NEK9: variants seen among roughly 807,000 people sequenced by gnomAD.
NEK9 encodes the protein serine/threonine-protein kinase Nek9.
In NEK9, 75 loss-of-function variants were observed where a neutral mutation model predicts 123.4. That is an observed-to-expected ratio of 0.61 (90% CI 0.50 to 0.74). The LOEUF (loss-of-function observed/expected upper bound fraction) is 0.74. NEK9 is among the 30% of genes least tolerant of loss of function. The pLI, the probability that NEK9 is intolerant of heterozygous loss-of-function variation, is 0.00. For missense variants in NEK9, 952 were observed against 1,214.4 expected (o/e 0.78, Z 3.21); for synonymous variants, 438 against 458.7 (o/e 0.95, Z 0.58).
At chr14:75,115,239 C>T (rs756671379) in intron 6 of NEK9, among the ~76,000 whole-genome samples, 1 of 152,114 alleles carries the variant, frequency 6.6e-6, no homozygotes, top group Non-Finnish European at 1.5e-5. Context: ...CCTCAGCCTC[C>T]TGAGTAGCTG....
intron 10 of NEK9, among the ~76,000 whole-genome samples, chr14:75,108,603 G>C (rs1055805491): frequency 1.3e-5 from 2 of 151,406 alleles, no homozygotes; most frequent in African/African-American, 4.9e-5. Flanking sequence ...CACTCAGGCT[G>C]CAGTGCAGTG....
chr14:75,113,725 C>A (rs186777936), intron 7 of NEK9, among the ~76,000 whole-genome samples: 4 of 152,106 alleles, frequency 2.6e-5, no homozygotes, highest in Non-Finnish European at 4.4e-5. Context: ...TGATTGAGTT[C>A]GTCTGGGGTG....
At chr14:75,124,275 G>A (rs1197424730) in intron 1 of NEK9, 52 bp from the exon 2 acceptor site, 3 of 1,536,714 alleles carry the variant, frequency 2.0e-6, no homozygotes, top group African/African-American at 2.7e-5. Context: ...GGCAGCAAAT[G>A]AATCCACACC....
intron 1 of NEK9, 116 bp from the exon 2 acceptor site, chr14:75,124,339 C>G (rs1594855785): frequency 1.2e-6 from 1 of 800,862 alleles, no homozygotes; most frequent in African/African-American, 1.7e-5. Context: ...ACTGACTCCT[C>G]TTATTTTTTC....
At chr14:75,111,262 C>T (rs562128250) in intron 8 of NEK9, among the ~76,000 whole-genome samples, 2 of 152,248 alleles carry the variant, frequency 1.3e-5, no homozygotes, top group African/African-American at 4.8e-5. Flanking sequence ...ACGTTCTAGC[C>T]CAGGGCTGTC....
rs939287958 is a variant in NEK9, at chr14:75,080,598, C to T, written c.*3966G>A. ...CACGGGGAAACTCCTCATGTGGAAACTCATTTCATTAAAAATGTATGCAGA... is the reference window on the plus strand; with the variant it reads ...CACGGGGAAACTCCTCATGTGGAAATTCATTTCATTAAAAATGTATGCAGA... On this transcript the variant is annotated 3_prime_UTR_variant, in exon 22 of 22. Coordinates refer to ENST00000238616, the MANE Select transcript of NEK9 (RefSeq NM_033116.6). The T allele has an allele frequency of 8.6e-5, 13 of 151,546 alleles. No homozygotes were observed. The highest frequency in any genetic ancestry group is 3.1e-4 in the African/African-American group (13 of 41,318). 9.4% of individuals were successfully genotyped at this position (151,546 alleles called of 1,614,324 possible).
At position 75,107,373 on chromosome 14, in the gene NEK9, A is replaced by G. The variant is rs1257562617; in HGVS notation, c.1297T>C (p.Cys433Arg). 6.2e-7 allele frequency: 1 copy of G among 1,613,866 alleles called. No homozygotes were observed. Among genetic ancestry groups the G allele is most frequent in the East Asian group, 2.2e-5 (1 of 44,860 alleles). ...LQGKAIRQVSCGDDFTVCVTD... is the reference protein window; with the variant it reads ...LQGKAIRQVSRGDDFTVCVTD... ...ACACAGACAGTGAAATCATCACCACATGACACCTGACGGATAGCTTTGCCT... is the reference window on the plus strand; with the variant it reads ...ACACAGACAGTGAAATCATCACCACGTGACACCTGACGGATAGCTTTGCCT... The change falls in exon 11 of 22, where the codon TGT becomes CGT. Residue 433 changes from cysteine to arginine, a missense_variant. Physicochemically the swap from Cys to Arg is radical, Grantham distance 180 (BLOSUM62 -3). Transcript: ENST00000238616.
intron 19 of NEK9, among the ~76,000 whole-genome samples, chr14:75,089,031 A>G (rs1894120492): frequency 6.6e-6 from 1 of 152,228 alleles, no homozygotes; most frequent in Admixed American, 6.5e-5. Flanking sequence ...TCAAATCACT[A>G]GCAAGTTTAG....
At chr14:75,123,324 C>G (rs753997909) in intron 2 of NEK9, among the ~76,000 whole-genome samples, 1 of 151,948 alleles carries the variant, frequency 6.6e-6, no homozygotes, top group Admixed American at 6.6e-5. Context: ...TTGCTTGAAC[C>G]CAGGAGGCGG....
intron 13 of NEK9, 127 bp downstream of exon 13, chr14:75,105,823 A>T (rs1298743673): frequency 1.3e-5 from 9 of 703,316 alleles, no homozygotes; most frequent in Admixed American, 5.4e-5. Context: ...CTAAATTGTC[A>T]GTCTCCCAAA....
chr14:75,114,823 T>C (rs912429936), intron 6 of NEK9, among the ~76,000 whole-genome samples: 2 of 152,140 alleles, frequency 1.3e-5, no homozygotes, highest in African/African-American at 4.8e-5. Context: ...ATATGATATT[T>C]TTTAGCCTCA....
At chr14:75,109,991 T>G in intron 9 of NEK9, 114 bp from the exon 10 acceptor site, 1 of 1,071,338 alleles carries the variant, frequency 9.3e-7, no homozygotes. Context: ...AGAAAGTATG[T>G]TCTTTCTCGA....
chr14:75,091,423 C>G lies in NEK9; in HGVS notation c.2289G>C (p.Glu763Asp), dbSNP rs1894212692. 1.9e-6 allele frequency: 3 copies of G among 1,612,492 alleles called. No homozygotes were observed. Among genetic ancestry groups the G allele is most frequent in the Non-Finnish European group, 2.5e-6 (3 of 1,179,542 alleles). The change falls in exon 19 of 22, where the codon GAG becomes GAC. Residue 763 changes from glutamate (E) to aspartate (D), a missense_variant. Around this residue, in one of 4 missense-constraint regions of NEK9, gnomAD observed 698 missense variants for 875.6 expected, o/e 0.80. Coordinates refer to ENST00000238616, the MANE Select transcript of NEK9 (RefSeq NM_033116.6). ...GGGGGGGGEE[E>D]DSQQESETPD... is the part of the protein sequence containing the mutation. Reference sequence around the variant, plus strand: ...GAGTTTCAGATTCCTGCTGACTGTCCTCTTCTTCACCACCGCCGCCCCCGC... The same window carrying G: ...GAGTTTCAGATTCCTGCTGACTGTCGTCTTCTTCACCACCGCCGCCCCCGC...
chr14:75,103,062 A>C (rs984518459), intron 14 of NEK9, among the ~76,000 whole-genome samples: 11 of 151,984 alleles, frequency 7.2e-5, no homozygotes, highest in African/African-American at 2.7e-4. Context: ...GGAAGGGGGG[A>C]GGGATAGCAT....
chr14:75,113,676 T>C (rs780506963), intron 7 of NEK9, among the ~76,000 whole-genome samples: 8 of 152,186 alleles, frequency 5.3e-5, no homozygotes, highest in Non-Finnish European at 1.2e-4. Flanking sequence ...GAGGTGTTTG[T>C]TACAAATAAA....
intron 8 of NEK9, among the ~76,000 whole-genome samples, chr14:75,112,031 T>A (rs1257137020): frequency 6.6e-6 from 1 of 152,240 alleles, no homozygotes; most frequent in Non-Finnish European, 1.5e-5. Context: ...TGGAAGGTCA[T>A]GGTGCTGTAT....
rs897513726 is a variant in NEK9 at position 75,119,029 on chromosome 14, G to T, written c.525-94C>A. 5.3e-6 allele frequency: 4 copies of T among 748,926 alleles called. No homozygotes were observed. In the Admixed American group the frequency reaches 6.5e-5, roughly 12 times the overall value. 46.4% of individuals were successfully genotyped at this position (748,926 alleles called of 1,614,324 possible). On this transcript the variant is annotated intron_variant, in intron 4 of 21. Transcript: ENST00000238616. ...CAGGATTATTACAGAATAAAAATGAGTGTGGGCCGGGTACAGTGGCTCACA... is the reference window on the plus strand; with the variant it reads ...CAGGATTATTACAGAATAAAAATGATTGTGGGCCGGGTACAGTGGCTCACA...
At chr14:75,105,859 C>T in intron 13 of NEK9, 91 bp downstream of exon 13, 1 of 1,029,588 alleles carries the variant, frequency 9.7e-7, no homozygotes, top group South Asian at 1.4e-5. Context: ...AAATAAATAC[C>T]TTGATACAAC....
intron 20 of NEK9, among the ~76,000 whole-genome samples, chr14:75,087,995 C>T (rs1894082001): frequency 6.6e-6 from 1 of 152,172 alleles, no homozygotes; most frequent in Admixed American, 6.5e-5. Context: ...AAAATAATTA[C>T]TATGTGGCCT....
Sources: allele counts gnomAD v4.1 joint callset (sites outside exome capture counted in the v4.1 genomes callset), GRCh38; gene constraint gnomAD v4.1.1; regional missense constraint gnomAD v4.1.1; transcripts MANE v1.5; gene names NCBI Gene and HGNC (gene_info 2026-07-23, HGNC 2026-07-21).